MCMBP: variants seen among roughly 807,000 people sequenced by gnomAD.
MCMBP encodes the protein minichromosome maintenance complex binding protein.
In MCMBP, 31 loss-of-function variants were observed where a neutral mutation model predicts 81.3. The observed-to-expected ratio is 0.38, with a 90% CI of 0.29 to 0.51. The LOEUF (loss-of-function observed/expected upper bound fraction) is 0.51, where lower values mean the gene tolerates loss of function less well. Ranked by LOEUF, MCMBP falls within the 20% of genes least tolerant of loss-of-function variation. The pLI is 0.87. For missense variants in MCMBP, 645 were observed against 772.1 expected (o/e 0.84, Z 1.95); for synonymous variants, 267 against 275.9 (o/e 0.97, Z 0.32).
intron 11 of MCMBP, 73 bp downstream of exon 11, chr10:119,840,770 A>G: frequency 1.3e-6 from 1 of 797,608 alleles, no homozygotes; most frequent in Non-Finnish European, 2.0e-6. Flanking sequence ...AAATATTTGA[A>G]GTGAATGAAA....
At chr10:119,843,202 C>G in intron 9 of MCMBP, 52 bp downstream of exon 9, 1 of 1,602,652 alleles carries the variant, frequency 6.2e-7, no homozygotes, top group Non-Finnish European at 8.5e-7. Context: ...CAGCTCTGGA[C>G]ACACTGAGGC....
intron 11 of MCMBP, among the ~76,000 whole-genome samples, chr10:119,839,916 A>G (rs1187524394): frequency 6.6e-6 from 1 of 152,190 alleles, no homozygotes; most frequent in African/African-American, 2.4e-5. Context: ...TGAGACTACA[A>G]TAGACTGAAG....
At chr10:119,857,121 A>AT (rs1853079567) in intron 5 of MCMBP, among the ~76,000 whole-genome samples, 1 of 150,534 alleles carries the variant, frequency 6.6e-6, no homozygotes, top group Admixed American at 6.6e-5. Context: ...AAAAAAAAAA[A>AT]TTACTTCAAT....
At chr10:119,845,350 T>C (rs1014194576) in intron 8 of MCMBP, among the ~76,000 whole-genome samples, 1 of 147,962 alleles carries the variant, frequency 6.8e-6, no homozygotes, top group Non-Finnish European at 1.5e-5. Flanking sequence ...CCCTTGCTTT[T>C]GGCAATCTCA....
chr10:119,836,756 A>ATTTT (rs1852257105), intron 13 of MCMBP, 140 bp downstream of exon 13: 1 of 581,196 alleles, frequency 1.7e-6, no homozygotes, highest in African/African-American at 2.6e-5. Flanking sequence ...CAGCAGTCAC[A>ATTTT]GTTTTTTTTT....
chr10:119,868,872 G>T (rs1178730226), intron 1 of MCMBP, among the ~76,000 whole-genome samples: 2 of 152,136 alleles, frequency 1.3e-5, no homozygotes, highest in African/African-American at 4.8e-5. Context: ...CAAAATTAAA[G>T]AACTGAAAAA....
intron 1 of MCMBP, among the ~76,000 whole-genome samples, chr10:119,862,053 T>C (rs1302519346): frequency 6.6e-6 from 1 of 152,178 alleles, no homozygotes. Context: ...ACACCTGTAA[T>C]TCCAGCACTT....
At chr10:119,837,171 C>T (rs536382532) in intron 12 of MCMBP, 142 bp from the exon 13 acceptor site, 41 of 798,772 alleles carry the variant, frequency 5.1e-5, no homozygotes, top group Non-Finnish European at 7.4e-5. Flanking sequence ...CTAAGCTAAA[C>T]GTCACTAAGT....
At chr10:119,852,152 C>CAAAAAA (rs34142128) in intron 6 of MCMBP, among the ~76,000 whole-genome samples, 1 of 53,094 alleles carries the variant, frequency 1.9e-5, no homozygotes, top group African/African-American at 9.0e-5. Flanking sequence ...AACTCTGTCT[C>CAAAAAA]AAAAAAAAAA....
chr10:119,841,974 G>A (rs1213013319), intron 10 of MCMBP, among the ~76,000 whole-genome samples: 2 of 152,182 alleles, frequency 1.3e-5, no homozygotes, highest in South Asian at 2.1e-4. Context: ...GTTAGGAACC[G>A]GGCCACAACA....
chr10:119,848,810 A>G (rs1203776741), intron 7 of MCMBP, among the ~76,000 whole-genome samples: 4 of 152,238 alleles, frequency 2.6e-5, no homozygotes, highest in Admixed American at 6.5e-5. Context: ...ATAAGTGAAA[A>G]ATAGGTTTTG....
intron 13 of MCMBP, 77 bp from the exon 14 acceptor site, chr10:119,835,781 C>T (rs2134339564): frequency 7.0e-7 from 1 of 1,435,920 alleles, no homozygotes. Flanking sequence ...TGCATCATCT[C>T]TGTCAGCCCC....
At chr10:119,873,401 A>C (rs1483388831), upstream of MCMBP, 1 of 152,120 alleles carries the variant, frequency 6.6e-6, no homozygotes, top group Non-Finnish European at 1.5e-5. Context: ...CAGTCGCGTC[A>C]GGCCCTGTGG....
chr10:119,863,318 TATATAAA>T (rs1853327920), intron 1 of MCMBP, among the ~76,000 whole-genome samples: 1 of 152,234 alleles, frequency 6.6e-6, no homozygotes, highest in South Asian at 2.1e-4. Flanking sequence ...GAGTTAATTT[TATATAAA>T]ATATGAGGTA....
In MCMBP at chr10:119,849,442, G is replaced by A; in HGVS notation, c.709C>T (p.Pro237Ser). The A allele has an allele frequency of 1.2e-6, 2 of 1,609,658 alleles. No homozygotes were observed. The highest frequency in any genetic ancestry group is 2.2e-5 in the East Asian group (1 of 44,506). ...LNFPLPGEKG[P>S]ACLVKVYEDW... ...TTTATTACCTTCACAAGGCATGCAG[G>A]GCCCTTCTCTCCTGGCAATGGAAAA... Residue 237 changes from proline to serine, a missense_variant, in exon 7 of 16, where the codon CCT becomes TCT. By Grantham distance (74) the Pro-to-Ser change is moderately conservative. Coordinates refer to ENST00000369077, the MANE Select transcript of MCMBP (RefSeq NM_001256378.2).
intron 1 of MCMBP, among the ~76,000 whole-genome samples, chr10:119,865,513 C>T (rs961283269): frequency 3.3e-5 from 5 of 151,994 alleles, no homozygotes; most frequent in African/African-American, 4.8e-5. Context: ...ATTGCTTGAA[C>T]CTGGGAAGTA....
At position 119,860,890 on chromosome 10, in the gene MCMBP, C is replaced by T. The variant is rs566274966; in HGVS notation, c.59-1006G>A. 1.2e-4 allele frequency among the ~76,000 whole-genome samples: 18 copies of T among 152,300 alleles called. No individual in the cohort carries two copies. In the East Asian group the frequency reaches 1.9e-3, roughly 16 times the overall value. ...TCTGAAAAGACATGATGTCCATCTT[C>T]CCTTCATTGGTGATGTTAATTTTGA... On this transcript the variant is annotated intron_variant, in intron 1 of 15. Coordinates refer to ENST00000369077, the MANE Select transcript of MCMBP (RefSeq NM_001256378.2).
In MCMBP at chr10:119,852,558, C is replaced by T. The variant is rs534607015; in HGVS notation, c.574+492G>A. 2.0e-5 allele frequency among the ~76,000 whole-genome samples: 3 copies of T among 152,272 alleles called. No homozygotes were observed. In the South Asian group the frequency reaches 6.2e-4, roughly 32 times the overall value. On this transcript the variant is annotated intron_variant, in intron 6 of 15. Transcript: ENST00000369077. ...GCATGTGGTGGCATGCGCCTATAGCCTTAGCTACTAGGCAGGTTGAAGTGA... is the reference window on the plus strand; with the variant it reads ...GCATGTGGTGGCATGCGCCTATAGCTTTAGCTACTAGGCAGGTTGAAGTGA...
intron 1 of MCMBP, among the ~76,000 whole-genome samples, chr10:119,864,073 CA>C (rs1177446977): frequency 6.6e-6 from 1 of 151,616 alleles, no homozygotes; most frequent in Non-Finnish European, 1.5e-5. Flanking sequence ...AAGGATGTGG[CA>C]AAAGAGGAAG....
Sources: gnomAD v4.1 joint callset for allele counts (sites outside exome capture counted in the v4.1 genomes callset) on GRCh38, gnomAD v4.1.1 for gene constraint, MANE v1.5 for transcripts, NCBI Gene and HGNC (gene_info 2026-07-23, HGNC 2026-07-21) for gene names.